SCFD2: variants seen among roughly 807,000 people sequenced by gnomAD.
SCFD2 encodes sec1 family domain-containing protein 2.
Under a neutral mutation model 58.9 loss-of-function variants are expected in SCFD2, and 54 were observed. The ratio of observed to expected loss-of-function variants is 0.92; its 90% CI spans 0.74 to 1.15. The LOEUF is 1.15. SCFD2 is among the 50% of genes most tolerant of loss of function. SCFD2 has a pLI of 0.00. For synonymous variants in SCFD2, 321 were observed against 335.9 expected (o/e 0.96, Z 0.49); for missense variants, 805 against 836.6 (o/e 0.96, Z 0.47).
At chr4:53,117,929 G>T (rs551362792) in intron 5 of SCFD2, among the ~76,000 whole-genome samples, 5 of 151,978 alleles carry the variant, frequency 3.3e-5, no homozygotes, top group African/African-American at 1.2e-4. Context: ...AAGACAAGGC[G>T]GTCTTTTCAT....
At chr4:53,278,795 T>A (rs1218580905) in intron 3 of SCFD2, among the ~76,000 whole-genome samples, 2 of 151,394 alleles carry the variant, frequency 1.3e-5, no homozygotes, top group South Asian at 4.2e-4. Context: ...CTTCGTTAGG[T>A]ATAAATCACG....
chr4:53,283,781 T>C (rs540566441), intron 3 of SCFD2, among the ~76,000 whole-genome samples: 1 of 152,110 alleles, frequency 6.6e-6, no homozygotes, highest in African/African-American at 2.4e-5. Context: ...TTCACCATGT[T>C]GTCCAGTTAC....
At position 53,216,715 on chromosome 4, in the gene SCFD2, T is replaced by C. The variant is rs147228138; in HGVS notation, c.1311+57111A>G. Among the ~76,000 whole-genome samples the C allele has an allele frequency of 8.8e-3, 1,333 of 152,320 alleles. 18 individuals carry two copies. The highest frequency in any genetic ancestry group is 0.03 in the African/African-American group (1,258 of 41,566). Reference sequence around the variant, plus strand: ...TTTTGAATGTGTTTGCTCTTGCTTCTCTAGTTCTTCTAATTGTGATGTTAG... The same window carrying C: ...TTTTGAATGTGTTTGCTCTTGCTTCCCTAGTTCTTCTAATTGTGATGTTAG... On this transcript the variant is annotated intron_variant, in intron 4 of 8. Coordinates refer to ENST00000401642, the MANE Select transcript of SCFD2 (RefSeq NM_152540.4).
chr4:53,215,968 A>G (rs1728815017), intron 4 of SCFD2, among the ~76,000 whole-genome samples: 1 of 152,150 alleles, frequency 6.6e-6, no homozygotes, highest in Non-Finnish European at 1.5e-5. Flanking sequence ...CTTACGTTGA[A>G]CCAGCCTTGC....
chr4:53,350,891 G>A (rs781713916), intron 2 of SCFD2, among the ~76,000 whole-genome samples: 6 of 152,232 alleles, frequency 3.9e-5, no homozygotes, highest in Non-Finnish European at 7.4e-5. Context: ...TGTATTTTTA[G>A]TAGAGACAGG....
At chr4:52,910,726 C>T (rs932152045) in intron 6 of SCFD2, among the ~76,000 whole-genome samples, 3 of 152,160 alleles carry the variant, frequency 2.0e-5, no homozygotes, top group African/African-American at 7.2e-5. Context: ...ATAATCCCCA[C>T]ATGCAGCAGG....
intron 4 of SCFD2, among the ~76,000 whole-genome samples, chr4:53,218,963 A>G (rs1025965857): frequency 6.6e-6 from 1 of 152,202 alleles, no homozygotes; most frequent in Non-Finnish European, 1.5e-5. Context: ...AATATTGCTG[A>G]ACAGCAAATG....
intron 5 of SCFD2, among the ~76,000 whole-genome samples, chr4:52,953,539 T>A (rs530136506): frequency 6.6e-6 from 1 of 152,266 alleles, no homozygotes; most frequent in South Asian, 2.1e-4. Flanking sequence ...GAAGGTGGTG[T>A]CAAGGGGAGT....
intron 4 of SCFD2, among the ~76,000 whole-genome samples, chr4:53,207,204 C>G (rs1294713392): frequency 6.6e-6 from 1 of 151,374 alleles, no homozygotes; most frequent in Non-Finnish European, 1.5e-5. Flanking sequence ...TTAAGCCCCA[C>G]CTCCCAACAA....
chr4:53,352,440 A>G (rs1173101003), intron 2 of SCFD2, among the ~76,000 whole-genome samples, 158 bp downstream of exon 2: 1 of 152,240 alleles, frequency 6.6e-6, no homozygotes. Context: ...TGGTTATTTC[A>G]AAATTAAGAA....
Position 53,365,036 on chromosome 4 carries a change from T to C in SCFD2, c.838+68A>G, listed in dbSNP as rs889138592. 61 of 1,526,946 alleles carry C rather than the reference T, an allele frequency of 4.0e-5. No homozygotes were observed. The highest frequency in any genetic ancestry group is 4.7e-5 in the Non-Finnish European group (53 of 1,134,658). 94.6% of individuals were successfully genotyped at this position (1,526,946 alleles called of 1,614,324 possible). A position where few individuals can be genotyped will look rare whatever the true frequency, so the allele number is the denominator to read the frequency against. ...TATAATAAAAGGTCAATAAAATATATGCTGAATCAATGAAAGTCCCAGCAA... is the reference window on the plus strand; with the variant it reads ...TATAATAAAAGGTCAATAAAATATACGCTGAATCAATGAAAGTCCCAGCAA... On this transcript the variant is annotated intron_variant, in intron 1 of 8. Coordinates refer to ENST00000401642, the MANE Select transcript of SCFD2 (RefSeq NM_152540.4). This position sits in a 1 kb window ranked among gnomAD's most constrained non-coding sequence, Gnocchi z 4.3.
At chr4:53,222,920 C>G (rs1301894494) in intron 4 of SCFD2, among the ~76,000 whole-genome samples, 4 of 152,094 alleles carry the variant, frequency 2.6e-5, no homozygotes, top group African/African-American at 9.7e-5. Flanking sequence ...TCTACAGAAA[C>G]GTATTTCTGT....
At chr4:53,249,698 C>G (rs536579673) in intron 4 of SCFD2, among the ~76,000 whole-genome samples, 1 of 152,120 alleles carries the variant, frequency 6.6e-6, no homozygotes, top group Non-Finnish European at 1.5e-5. Flanking sequence ...TCATATCCAG[C>G]CAAACTAACC....
intron 4 of SCFD2, among the ~76,000 whole-genome samples, chr4:53,183,330 T>C (rs1372442697): frequency 1.3e-5 from 2 of 152,094 alleles, no homozygotes; most frequent in African/African-American, 4.8e-5. Context: ...CCATAAAAAA[T>C]GATGAGTTCA....
chr4:53,074,723 C>T (rs1460937036), intron 5 of SCFD2, among the ~76,000 whole-genome samples: 3 of 151,902 alleles, frequency 2.0e-5, no homozygotes, highest in Non-Finnish European at 4.4e-5. Flanking sequence ...AAAAAAGGAA[C>T]TTTTTTTTCT....
intron 4 of SCFD2, among the ~76,000 whole-genome samples, chr4:53,186,155 G>A (rs1727730718): frequency 6.6e-6 from 1 of 152,048 alleles, no homozygotes; most frequent in South Asian, 2.1e-4. Flanking sequence ...CCTATAAGAT[G>A]GTGCTATTAT....
At chr4:53,149,339 C>A (rs935166095) in intron 4 of SCFD2, among the ~76,000 whole-genome samples, 2 of 152,198 alleles carry the variant, frequency 1.3e-5, no homozygotes, top group Admixed American at 1.3e-4. Context: ...AAAGGACACA[C>A]AAGCCAAATG....
intron 7 of SCFD2, among the ~76,000 whole-genome samples, chr4:52,903,946 A>G (rs1295139418): frequency 1.3e-5 from 2 of 152,224 alleles, no homozygotes; most frequent in African/African-American, 4.8e-5. Flanking sequence ...GTGCAGCTAC[A>G]AAAGTATGAA....
At chr4:52,885,301 A>G (rs534918115) in intron 8 of SCFD2, among the ~76,000 whole-genome samples, 13 of 152,232 alleles carry the variant, frequency 8.5e-5, no homozygotes, top group African/African-American at 2.9e-4. Flanking sequence ...CTGATTGGAC[A>G]CCAGAGAATA....
Sources: gnomAD v4.1 joint callset for allele counts (sites outside exome capture counted in the v4.1 genomes callset) on GRCh38, gnomAD v4.1.1 for gene constraint, Gnocchi (gnomAD v3.1) non-coding constraint, MANE v1.5 for transcripts, NCBI Gene and HGNC (gene_info 2026-07-23, HGNC 2026-07-21) for gene names.